CDH12: variants seen among roughly 807,000 people sequenced by gnomAD.
CDH12 encodes the protein cadherin 12.
CDH12 carries 41 observed loss-of-function variants against 74.1 expected under a neutral mutation model. The ratio of observed to expected loss-of-function variants is 0.55; its 90% CI spans 0.43 to 0.72. The LOEUF is 0.72. CDH12 is among the 30% of genes least tolerant of loss of function. The pLI is 0.00. For missense variants in CDH12, 945 were observed against 977.2 expected, an observed-to-expected ratio of 0.97 and a Z score of 0.44; for synonymous variants, 399 against 355.0, an observed-to-expected ratio of 1.12 and a Z score of -1.39.
At chr5:22,589,357 A>G (rs971799063) in intron 1 of CDH12, among the ~76,000 whole-genome samples, 3 of 152,156 alleles carry the variant, frequency 2.0e-5, no homozygotes, top group African/African-American at 7.2e-5. Context: ...AACAGAGCCA[A>G]TCTTCAAACA....
chr5:22,758,564 A>C (rs2127050799), intron 1 of CDH12, among the ~76,000 whole-genome samples: 1 of 151,862 alleles, frequency 6.6e-6, no homozygotes, highest in Middle Eastern at 3.4e-3. Flanking sequence ...TTTTGACAGA[A>C]GTTGGTCTTA....
intron 4 of CDH12, among the ~76,000 whole-genome samples, chr5:22,136,187 G>C (rs1483088318): frequency 6.6e-6 from 1 of 151,994 alleles, no homozygotes; most frequent in African/African-American, 2.4e-5. Flanking sequence ...GGTAGGTGTG[G>C]TGGAAGGAGA....
chr5:22,390,624 G>GATA (rs1742208745), intron 3 of CDH12, among the ~76,000 whole-genome samples: 1 of 137,082 alleles, frequency 7.3e-6, no homozygotes, highest in African/African-American at 2.8e-5. Flanking sequence ...ATAGATAGAT[G>GATA]ATAGAATATT....
At chr5:22,533,229 G>A (rs1189060734) in intron 1 of CDH12, among the ~76,000 whole-genome samples, 1 of 152,092 alleles carries the variant, frequency 6.6e-6, no homozygotes, top group Non-Finnish European at 1.5e-5. Context: ...AGCAAGGAAG[G>A]TCACAAAACA....
chr5:22,408,996 G>A (rs1307249618), intron 2 of CDH12, among the ~76,000 whole-genome samples: 3 of 151,888 alleles, frequency 2.0e-5, no homozygotes, highest in African/African-American at 7.3e-5. Flanking sequence ...ATATGCTGTA[G>A]GCTAGAATAT....
chr5:22,432,164 T>C lies in CDH12; in HGVS notation c.-427-26813A>G, dbSNP rs183179504. The stretch of plus-strand genomic sequence containing the variant: ...TTTATATTGTATTTTTACTGTACTT[T>C]TTATGATTAGATAGGATTAGATACA... On this transcript the variant is annotated intron_variant, in intron 2 of 14. Transcript: ENST00000382254. Among the ~76,000 whole-genome samples the C allele has an allele frequency of 7.4e-3, 1,129 of 152,212 alleles. 11 individuals are homozygous for C. Among genetic ancestry groups the C allele is most frequent in the Non-Finnish European group, 0.011 (724 of 67,988 alleles).
At chr5:22,274,128 C>A (rs907400010) in intron 3 of CDH12, among the ~76,000 whole-genome samples, 3 of 151,968 alleles carry the variant, frequency 2.0e-5, no homozygotes, top group African/African-American at 7.2e-5. Flanking sequence ...TGCATAAAAT[C>A]AATCAAACAA....
chr5:21,878,375 C>G (rs561023097), intron 6 of CDH12, among the ~76,000 whole-genome samples: 1 of 152,160 alleles, frequency 6.6e-6, no homozygotes, highest in East Asian at 1.9e-4. Flanking sequence ...GCCTTCTGAT[C>G]CAAATTCTCC....
chr5:21,860,065 C>T (rs887235539), intron 6 of CDH12, among the ~76,000 whole-genome samples: 1 of 151,782 alleles, frequency 6.6e-6, no homozygotes, highest in African/African-American at 2.4e-5. Context: ...AAAGGGAATA[C>T]AGAATGGGTA....
intron 1 of CDH12, among the ~76,000 whole-genome samples, chr5:22,774,414 G>A (rs1746979846): frequency 6.6e-6 from 1 of 152,102 alleles, no homozygotes; most frequent in South Asian, 2.1e-4. Context: ...ACAAGTGGGA[G>A]CTAAACATTG....
chr5:22,811,259 T>C (rs1333722328), intron 1 of CDH12, among the ~76,000 whole-genome samples: 2 of 151,962 alleles, frequency 1.3e-5, no homozygotes, highest in Non-Finnish European at 2.9e-5. Context: ...GCGAGGGCAA[T>C]AGTCTTGGGA....
intron 3 of CDH12, among the ~76,000 whole-genome samples, chr5:22,350,618 G>T (rs149160669): frequency 4.5e-4 from 68 of 152,232 alleles, no homozygotes; most frequent in Non-Finnish European, 8.5e-4. Flanking sequence ...GAAAGGTGGA[G>T]AATTAATTGT....
chr5:21,896,207 G>A (rs958745112), intron 6 of CDH12, among the ~76,000 whole-genome samples: 7 of 152,138 alleles, frequency 4.6e-5, no homozygotes, highest in African/African-American at 1.7e-4. Flanking sequence ...GAGAGTCACC[G>A]ATGGAGAGTG....
intron 2 of CDH12, among the ~76,000 whole-genome samples, chr5:22,419,531 T>A (rs1743547139): frequency 6.6e-6 from 1 of 152,188 alleles, no homozygotes; most frequent in African/African-American, 2.4e-5. Context: ...GTACCACATT[T>A]TCTTTATCCA....
intron 6 of CDH12, among the ~76,000 whole-genome samples, chr5:21,952,940 A>G (rs997685609): frequency 6.6e-6 from 1 of 152,040 alleles, no homozygotes; most frequent in African/African-American, 2.4e-5. Context: ...TTGCCCTAAA[A>G]TATATTTCTT....
chr5:22,090,488 C>CAA (rs57410067), intron 4 of CDH12, among the ~76,000 whole-genome samples: 190 of 130,770 alleles, frequency 1.5e-3, no homozygotes, highest in African/African-American at 4.0e-3. Flanking sequence ...TCTGTAAACT[C>CAA]AAAAAAAAAA....
chr5:21,875,751 C>CT (rs1278597992), intron 6 of CDH12, among the ~76,000 whole-genome samples: 1 of 152,118 alleles, frequency 6.6e-6, no homozygotes, highest in Non-Finnish European at 1.5e-5. Context: ...TGAAATCTTG[C>CT]TTTCCCCTGA....
chr5:21,851,753 T>C (rs1160375313), intron 7 of CDH12, among the ~76,000 whole-genome samples: 1 of 151,384 alleles, frequency 6.6e-6, no homozygotes, highest in Admixed American at 6.6e-5. Context: ...TTAGAATGTA[T>C]CAATTTATAT....
chr5:21,956,532 G>A (rs10035344), intron 6 of CDH12, among the ~76,000 whole-genome samples: 1,809 of 151,984 alleles, frequency 0.012, 39 homozygotes, highest in African/African-American at 0.04. Flanking sequence ...TTTTGCTAAT[G>A]ATATTTTTAA....
Sources: gnomAD v4.1 joint callset for allele counts (sites outside exome capture counted in the v4.1 genomes callset) on GRCh38, gnomAD v4.1.1 for gene constraint, MANE v1.5 for transcripts, NCBI Gene and HGNC (gene_info 2026-07-23, HGNC 2026-07-21) for gene names.